Variants in PLXDC2 observed in about 807,000 individuals in gnomAD.
PLXDC2 encodes plexin domain-containing protein 2.
Under a neutral mutation model 68.9 loss-of-function variants are expected in PLXDC2, and 40 were observed. The ratio of observed to expected loss-of-function variants is 0.58; its 90% CI spans 0.45 to 0.76. PLXDC2 has a LOEUF of 0.76. Among genes scored for constraint, PLXDC2 ranks in the 30% least tolerant of loss-of-function variants. The pLI is 0.00. For missense variants in PLXDC2, 644 were observed against 661.9 expected, an observed-to-expected ratio of 0.97 and a Z score of 0.30; for synonymous variants, 243 against 234.2, an observed-to-expected ratio of 1.04 and a Z score of -0.34.
At chr10:19,924,110 A>C (rs1276551950) in intron 1 of PLXDC2, among the ~76,000 whole-genome samples, 1 of 152,154 alleles carries the variant, frequency 6.6e-6, no homozygotes, top group Non-Finnish European at 1.5e-5. Flanking sequence ...TCTCCTCCCA[A>C]ATAAAAAACT....
chr10:19,838,499 T>C (rs945923693), intron 1 of PLXDC2, among the ~76,000 whole-genome samples: 2 of 152,236 alleles, frequency 1.3e-5, no homozygotes, highest in Non-Finnish European at 2.9e-5. Context: ...CAAGTCACTT[T>C]GCTATAGTCT....
intron 1 of PLXDC2, among the ~76,000 whole-genome samples, chr10:19,861,292 C>T (rs1837316275): frequency 6.6e-6 from 1 of 152,138 alleles, no homozygotes; most frequent in Admixed American, 6.5e-5. Flanking sequence ...ACCTCTGCCT[C>T]CCAAAGTGCT....
Position 20,201,256 on chromosome 10 carries a change from A to G in PLXDC2, c.1062-10413A>G, listed in dbSNP as rs192390253. On this transcript the variant is annotated intron_variant, in intron 9 of 13. Coordinates refer to ENST00000377252, the MANE Select transcript of PLXDC2 (RefSeq NM_032812.9). ...AACATGGATGGAACTGGAGGACATT[A>G]CATTAAGTGTTTCACTGATTTGAAG... Among the ~76,000 whole-genome samples the G allele has an allele frequency of 1.1e-3, 171 of 152,224 alleles. 2 individuals carry two copies. The highest frequency in any genetic ancestry group is 1.6e-3 in the Non-Finnish European group (106 of 67,962).
rs1252447303 is a variant in PLXDC2 at position 20,082,064 on chromosome 10, C to CAAAAAAAAA, written c.541+13829_541+13837dup. Among the ~76,000 whole-genome samples, 163 of 69,956 alleles carry CAAAAAAAAA rather than the reference C, an allele frequency of 2.3e-3. 8 individuals are homozygous for CAAAAAAAAA. Among genetic ancestry groups the CAAAAAAAAA allele is most frequent in the Admixed American group, 3.6e-3 (19 of 5,308 alleles). 45.9% of individuals were successfully genotyped at this position (69,956 alleles called of 152,430 possible). A position where few individuals can be genotyped will look rare whatever the true frequency, so the allele number is the denominator to read the frequency against. On this transcript the variant is annotated intron_variant, in intron 4 of 13. Transcript: ENST00000377252. ...CCATCTGAAAAAAAAAAAAAAAAATCAAAAAAAAAAAACAGGAGAAGTCTG... is the reference window on the plus strand; with the variant it reads ...CCATCTGAAAAAAAAAAAAAAAAATCAAAAAAAAAAAAAAAAAAAAACAGGAGAAGTCTG...
chr10:20,057,106 C>G (rs912557100), intron 3 of PLXDC2, among the ~76,000 whole-genome samples: 1 of 152,118 alleles, frequency 6.6e-6, no homozygotes, highest in African/African-American at 2.4e-5. Context: ...CCTATGAAGA[C>G]TTACGATGGT....
intron 1 of PLXDC2, among the ~76,000 whole-genome samples, chr10:19,969,029 C>A (rs1184865615): frequency 1.3e-5 from 2 of 152,198 alleles, no homozygotes; most frequent in African/African-American, 4.8e-5. Context: ...AACCTCACAG[C>A]TTTATTTAAT....
chr10:19,906,124 G>A (rs558025254), intron 1 of PLXDC2, among the ~76,000 whole-genome samples: 3 of 152,230 alleles, frequency 2.0e-5, no homozygotes, highest in South Asian at 4.1e-4. Flanking sequence ...GCAAAATAAA[G>A]AAGAGAGAGG....
chr10:19,819,990 A>C (rs924286636), intron 1 of PLXDC2, among the ~76,000 whole-genome samples: 1 of 152,226 alleles, frequency 6.6e-6, no homozygotes, highest in Non-Finnish European at 1.5e-5. Flanking sequence ...TCAATCAATG[A>C]CTTGAGGCTA....
intron 1 of PLXDC2, among the ~76,000 whole-genome samples, chr10:19,849,674 C>T (rs1837079249): frequency 6.6e-6 from 1 of 152,102 alleles, no homozygotes; most frequent in Non-Finnish European, 1.5e-5. Context: ...GCCTCCCTAA[C>T]CCTGCACAAC....
At chr10:20,001,726 T>C (rs1834942358) in intron 1 of PLXDC2, 49 bp from the exon 2 acceptor site, 1 of 1,550,422 alleles carries the variant, frequency 6.4e-7, no homozygotes, top group African/African-American at 1.4e-5. Flanking sequence ...CACTTGCATG[T>C]ATGGTACACA....
intron 1 of PLXDC2, among the ~76,000 whole-genome samples, chr10:19,864,228 A>T (rs1319220301): frequency 6.6e-6 from 1 of 152,080 alleles, no homozygotes; most frequent in Non-Finnish European, 1.5e-5. Context: ...CTGATCTGGA[A>T]CTCTTGGCCT....
chr10:19,880,132 A>G (rs1458902852), intron 1 of PLXDC2, among the ~76,000 whole-genome samples: 1 of 152,190 alleles, frequency 6.6e-6, no homozygotes, highest in South Asian at 2.1e-4. Flanking sequence ...GTATTTACTA[A>G]TAATTTTTTT....
intron 9 of PLXDC2, among the ~76,000 whole-genome samples, chr10:20,179,773 A>T (rs1483699839): frequency 6.6e-6 from 1 of 152,120 alleles, no homozygotes; most frequent in African/African-American, 2.4e-5. Flanking sequence ...TCTCTGCCAG[A>T]CATTAAGCCA....
chr10:20,234,663 C>CTTTTTTTTTTTTTT (rs58791520), intron 12 of PLXDC2, among the ~76,000 whole-genome samples: 1 of 125,420 alleles, frequency 8.0e-6, no homozygotes, highest in African/African-American at 3.0e-5. Context: ...GGGTTTCTTT[C>CTTTTTTTTTTTTTT]TTTTTTTTTT....
At chr10:19,908,251 A>T (rs1833202943) in intron 1 of PLXDC2, among the ~76,000 whole-genome samples, 1 of 152,208 alleles carries the variant, frequency 6.6e-6, no homozygotes. Flanking sequence ...CATTCTTTGA[A>T]ATAAAACACA....
At chr10:20,082,292 A>T (rs937625677) in intron 4 of PLXDC2, among the ~76,000 whole-genome samples, 13 of 151,992 alleles carry the variant, frequency 8.6e-5, no homozygotes, top group African/African-American at 2.9e-4. Flanking sequence ...TTGTTTCAAA[A>T]ATTTTGACAA....
At chr10:20,156,287 G>A (rs111703192) in intron 6 of PLXDC2, among the ~76,000 whole-genome samples, 8,512 of 152,226 alleles carry the variant, frequency 0.056, 280 homozygotes, top group South Asian at 0.086. Context: ...TTCAATGTGA[G>A]CAGTCTTAAC....
intron 1 of PLXDC2, among the ~76,000 whole-genome samples, chr10:19,885,534 G>C (rs1488602052): frequency 1.3e-5 from 2 of 152,046 alleles, no homozygotes; most frequent in Non-Finnish European, 2.9e-5. Context: ...TTTTGTGTAA[G>C]GTGTAAGGAA....
chr10:20,054,273 G>A (rs1835955986), intron 3 of PLXDC2, among the ~76,000 whole-genome samples: 1 of 152,002 alleles, frequency 6.6e-6, no homozygotes, highest in Non-Finnish European at 1.5e-5. Context: ...TATTGAGGAT[G>A]GTCAGATAGC....
Sources: allele counts gnomAD v4.1 joint callset (sites outside exome capture counted in the v4.1 genomes callset), GRCh38; gene constraint gnomAD v4.1.1; transcripts MANE v1.5; gene names NCBI Gene and HGNC (gene_info 2026-07-23, HGNC 2026-07-21).